The following GRHL2 variants were observed in gnomAD, a reference collection of about 807,000 sequenced individuals.
The protein encoded by GRHL2 is grainyhead like transcription factor 2, also known as grainyhead-like protein 2 homolog.
A neutral mutation model predicts 83.8 loss-of-function variants in GRHL2; 21 were observed. The observed-to-expected ratio is 0.25, with a 90% CI of 0.18 to 0.36. The LOEUF (loss-of-function observed/expected upper bound fraction) is 0.36. Among genes scored for constraint, GRHL2 ranks in the 10% least tolerant of loss-of-function variants. The pLI, the probability that GRHL2 is intolerant of heterozygous loss-of-function variation, is 1.00. For missense variants in GRHL2, 623 were observed against 781.8 expected (o/e 0.80, Z 2.42); for synonymous variants, 280 against 278.9 (o/e 1.00, Z -0.04).
At chr8:101,553,379 A>T (rs906094345) in intron 3 of GRHL2, among the ~76,000 whole-genome samples, 5 of 152,266 alleles carry the variant, frequency 3.3e-5, no homozygotes, top group Non-Finnish European at 7.3e-5. Context: ...AATCAAAAGC[A>T]GCTTTATTTC....
chr8:101,653,903 C>T (rs1298223283), intron 14 of GRHL2, among the ~76,000 whole-genome samples: 4 of 152,102 alleles, frequency 2.6e-5, no homozygotes, highest in African/African-American at 4.8e-5. Context: ...TGTACCTTGG[C>T]GGGGAACTGG....
At chr8:101,610,462 A>G (rs1812725392) in intron 8 of GRHL2, among the ~76,000 whole-genome samples, 1 of 150,688 alleles carries the variant, frequency 6.6e-6, no homozygotes, top group Admixed American at 6.6e-5. Flanking sequence ...GGTAAAATGG[A>G]GAGGGCTTTG....
chr8:101,638,400 G>T (rs935977867), intron 12 of GRHL2, among the ~76,000 whole-genome samples: 8 of 152,138 alleles, frequency 5.3e-5, no homozygotes, highest in Non-Finnish European at 1.0e-4. Context: ...GAAGAATATT[G>T]CATGACATGT....
intron 8 of GRHL2, among the ~76,000 whole-genome samples, chr8:101,608,708 A>G (rs1204005152): frequency 4.0e-5 from 6 of 149,174 alleles, no homozygotes; most frequent in Non-Finnish European, 8.8e-5. Context: ...ATATTTTGCC[A>G]GATTTGCTTT....
intron 1 of GRHL2, among the ~76,000 whole-genome samples, chr8:101,516,410 CTTTTTTTT>C (rs33990862): frequency 1.1e-3 from 96 of 86,004 alleles, no homozygotes; most frequent in African/African-American, 4.1e-3. Flanking sequence ...ACCTCTTTTC[CTTTTTTTT>C]TTTTTTTTTT....
intron 6 of GRHL2, among the ~76,000 whole-genome samples, chr8:101,574,070 C>T (rs1046386879): frequency 1.3e-5 from 2 of 152,292 alleles, no homozygotes; most frequent in East Asian, 3.9e-4. Context: ...GAGGAATTTT[C>T]CCGCTTCACT....
chr8:101,579,860 A>G (rs1812014286), intron 7 of GRHL2, among the ~76,000 whole-genome samples: 1 of 152,194 alleles, frequency 6.6e-6, no homozygotes, highest in Admixed American at 6.5e-5. Context: ...TAGGACTATC[A>G]TGGAGGGTTA....
intron 11 of GRHL2, among the ~76,000 whole-genome samples, chr8:101,632,996 AT>A (rs771189429): frequency 1.3e-5 from 2 of 152,194 alleles, no homozygotes; most frequent in Non-Finnish European, 2.9e-5. Context: ...AGTCACTAAA[AT>A]TTTAATTATG....
At chr8:101,545,509 A>ATTC (rs1296001621) in intron 2 of GRHL2, among the ~76,000 whole-genome samples, 2 of 130,058 alleles carry the variant, frequency 1.5e-5, no homozygotes, top group African/African-American at 5.7e-5. Context: ...TAGGCTTTTT[A>ATTC]TTCTTCTTCT....
At chr8:101,602,680 C>A (rs936146180) in intron 8 of GRHL2, among the ~76,000 whole-genome samples, 1 of 152,214 alleles carries the variant, frequency 6.6e-6, no homozygotes, top group East Asian at 1.9e-4. Flanking sequence ...TTGCAAGGCT[C>A]TAATGAGGTA....
chr8:101,517,908 T>C (rs1810603752), intron 1 of GRHL2, among the ~76,000 whole-genome samples: 1 of 152,172 alleles, frequency 6.6e-6, no homozygotes, highest in African/African-American at 2.4e-5. Flanking sequence ...TGTGCAGCAG[T>C]GACACCAGAT....
chr8:101,601,188 AC>A (rs1165743486), intron 8 of GRHL2, among the ~76,000 whole-genome samples: 2 of 149,022 alleles, frequency 1.3e-5, no homozygotes, highest in Non-Finnish European at 3.0e-5. Context: ...ACACACACAC[AC>A]CCCACCACCA....
chr8:101,525,771 C>A (rs79551822), intron 1 of GRHL2, among the ~76,000 whole-genome samples: 3,111 of 152,178 alleles, frequency 0.02, 70 homozygotes, highest in East Asian at 0.094. Flanking sequence ...GAGTTTGAGA[C>A]CAGCCTGGCC....
At chr8:101,634,698 C>G (rs1813252916) in intron 11 of GRHL2, among the ~76,000 whole-genome samples, 1 of 152,158 alleles carries the variant, frequency 6.6e-6, no homozygotes, top group African/African-American at 2.4e-5. Context: ...GAGGCACCCT[C>G]AAGCTATGCT....
At chr8:101,530,811 C>G (rs1030141908) in intron 1 of GRHL2, among the ~76,000 whole-genome samples, 2 of 152,182 alleles carry the variant, frequency 1.3e-5, no homozygotes, top group African/African-American at 2.4e-5. Flanking sequence ...ATTTGGATAT[C>G]ATCCTCTGTT....
intron 4 of GRHL2, among the ~76,000 whole-genome samples, chr8:101,563,145 G>A (rs1811640815): frequency 6.6e-6 from 1 of 152,182 alleles, no homozygotes; most frequent in South Asian, 2.1e-4. Context: ...CTGAGGGATA[G>A]AGAGCATAAG....
At chr8:101,496,460 C>A (rs958289036) in intron 1 of GRHL2, among the ~76,000 whole-genome samples, 1 of 152,032 alleles carries the variant, frequency 6.6e-6, no homozygotes, top group African/African-American at 2.4e-5. Context: ...AATACATATA[C>A]CCATTCACTT....
chr8:101,518,915 T>C (rs550729256), intron 1 of GRHL2, among the ~76,000 whole-genome samples: 1 of 152,350 alleles, frequency 6.6e-6, no homozygotes, highest in Non-Finnish European at 1.5e-5. Flanking sequence ...CCTGTGCTGC[T>C]GTTTGTGAGG....
In GRHL2 at chr8:101,668,382, A is replaced by G. The variant is rs747125835; in HGVS notation, c.*1679A>G. 2.6e-5 allele frequency: 4 copies of G among 152,692 alleles called. No individual in the cohort carries two copies. Among genetic ancestry groups the G allele is most frequent in the Non-Finnish European group, 5.9e-5 (4 of 68,104 alleles). 9.5% of individuals were successfully genotyped at this position (152,692 alleles called of 1,614,324 possible). ...CGCTCCCACCTCATCTGTCCCTGAGATGCAGAGCAGGATGGAGGGTCTGCT... is the reference window on the plus strand; with the variant it reads ...CGCTCCCACCTCATCTGTCCCTGAGGTGCAGAGCAGGATGGAGGGTCTGCT... On this transcript the variant is annotated 3_prime_UTR_variant, in exon 16 of 16. Coordinates refer to ENST00000646743, the MANE Select transcript of GRHL2 (RefSeq NM_024915.4).
Sources: gnomAD v4.1 joint callset for allele counts (sites outside exome capture counted in the v4.1 genomes callset) on GRCh38, gnomAD v4.1.1 for gene constraint, MANE v1.5 for transcripts, NCBI Gene and HGNC (gene_info 2026-07-23, HGNC 2026-07-21) for gene names.